The following CAMTA1 variants were observed in gnomAD, a reference collection of about 807,000 sequenced individuals.
CAMTA1 encodes calmodulin-binding transcription activator 1.
CAMTA1 carries 27 observed loss-of-function variants against 170.9 expected under a neutral mutation model. The ratio of observed to expected loss-of-function variants is 0.16; its 90% confidence interval spans 0.12 to 0.22. The LOEUF (loss-of-function observed/expected upper bound fraction) is 0.22, where lower values mean the gene tolerates loss of function less well. Ranked by LOEUF, CAMTA1 falls within the 10% of genes least tolerant of loss-of-function variation. The pLI is 1.00. For synonymous variants in CAMTA1, 833 were observed against 891.5 expected, an observed-to-expected ratio of 0.93 and a Z score of 1.17; for missense variants, 1,619 against 2,217.2, an observed-to-expected ratio of 0.73 and a Z score of 5.42.
intron 3 of CAMTA1, among the ~76,000 whole-genome samples, chr1:6,888,703 T>G (rs1186462762): frequency 6.6e-6 from 1 of 152,236 alleles, no homozygotes; most frequent in African/African-American, 2.4e-5. Flanking sequence ...CAGAAGTACT[T>G]TTGTTCCAGA....
intron 3 of CAMTA1, among the ~76,000 whole-genome samples, chr1:6,828,464 G>C (rs183208324): frequency 2.6e-5 from 4 of 151,682 alleles, no homozygotes; most frequent in African/African-American, 4.8e-5. Flanking sequence ...GCTAATTTTT[G>C]TATTTTTAGT....
Position 7,249,723 on chromosome 1 carries a change from T to G in CAMTA1, c.438+97T>G. 7.1e-7 allele frequency: 1 copy of G among 1,413,550 alleles called. No individual in the cohort carries two copies. Among genetic ancestry groups the G allele is most frequent in the Non-Finnish European group, 9.5e-7 (1 of 1,051,356 alleles). The allele number at this position is 1,413,550 out of a possible 1,614,324, so 87.6% of individuals were successfully genotyped here. A position where few individuals can be genotyped will look rare whatever the true frequency, so the allele number is the denominator to read the frequency against. ...GGAGTAATTTGATGCGAGTCACCTC[T>G]GTCCAAAGAATTTTTGTTTGCCAAG... On this transcript the variant is annotated intron_variant, in intron 5 of 22. Coordinates refer to ENST00000303635, the MANE Select transcript of CAMTA1 (RefSeq NM_015215.4). The surrounding 1 kb of genome is among the most constrained non-coding windows in gnomAD (Gnocchi z 4.4).
intron 3 of CAMTA1, among the ~76,000 whole-genome samples, chr1:6,995,295 C>CTTTTCTTTTTTTTTTTTTTTTTTT (rs1697047615): frequency 3.3e-5 from 2 of 60,620 alleles, no homozygotes; most frequent in Admixed American, 2.5e-4. Flanking sequence ...TTTTTCTTTT[C>CTTTTCTTTTTTTTTTTTTTTTTTT]TTTTTTTTTT....
intron 7 of CAMTA1, among the ~76,000 whole-genome samples, chr1:7,653,389 T>C (rs1004858846): frequency 6.6e-6 from 1 of 152,108 alleles, no homozygotes; most frequent in African/African-American, 2.4e-5. Flanking sequence ...CCGCCTCCCA[T>C]GTAGCTGGGA....
intron 6 of CAMTA1, among the ~76,000 whole-genome samples, chr1:7,600,676 T>A (rs1413040016): frequency 1.3e-5 from 2 of 151,882 alleles, no homozygotes; most frequent in Admixed American, 1.3e-4. Context: ...TAGGGAGTGG[T>A]GATGACTCTT....
intron 4 of CAMTA1, among the ~76,000 whole-genome samples, chr1:7,164,098 G>A (rs992862640): frequency 6.6e-6 from 1 of 152,158 alleles, no homozygotes; most frequent in Non-Finnish European, 1.5e-5. Flanking sequence ...TTGGGGAGGA[G>A]GGTGTATAGA....
intron 5 of CAMTA1, among the ~76,000 whole-genome samples, chr1:7,349,234 G>A (rs1244995548): frequency 2.0e-5 from 3 of 152,070 alleles, no homozygotes; most frequent in Non-Finnish European, 2.9e-5. Context: ...TTTATTTATC[G>A]CCATTCTTTT....
chr1:7,686,579 AG>A (rs1204787149), intron 11 of CAMTA1, among the ~76,000 whole-genome samples: 1 of 151,834 alleles, frequency 6.6e-6, no homozygotes, highest in African/African-American at 2.4e-5. Context: ...CACCAAGAGT[AG>A]GGGGCTGGGC....
intron 3 of CAMTA1, among the ~76,000 whole-genome samples, chr1:6,885,319 A>G (rs1199771971): frequency 1.3e-5 from 2 of 152,230 alleles, no homozygotes; most frequent in Non-Finnish European, 2.9e-5. Context: ...TTTGGCACAC[A>G]CACAATTCTA....
chr1:7,647,962 T>C (rs1576586679), intron 7 of CAMTA1, among the ~76,000 whole-genome samples: 1 of 152,236 alleles, frequency 6.6e-6, no homozygotes, highest in East Asian at 1.9e-4. Flanking sequence ...TGCACACCAG[T>C]AGCCCCAGCT....
In CAMTA1 at chr1:7,709,040, T is replaced by C. The variant is rs2096549094; in HGVS notation, c.2915-23408T>C. Reference sequence around the variant, plus strand: ...ACACCCCATCCTCAGCCACACAGCATGAGCCCTCTGTCACACGCAGCCAGG... The same window carrying C: ...ACACCCCATCCTCAGCCACACAGCACGAGCCCTCTGTCACACGCAGCCAGG... On this transcript the variant is annotated intron_variant, in intron 11 of 22. Coordinates refer to ENST00000303635, the MANE Select transcript of CAMTA1 (RefSeq NM_015215.4). 1.3e-5 allele frequency among the ~76,000 whole-genome samples: 2 copies of C among 152,214 alleles called. 1 individual carries two copies.
chr1:7,745,734 A>G, intron 17 of CAMTA1, 111 bp from the exon 18 acceptor site: 1 of 1,325,848 alleles, frequency 7.5e-7, no homozygotes, highest in Non-Finnish European at 1.1e-6. Context: ...GCATGTTCCT[A>G]ATTGCCCACA....
intron 4 of CAMTA1, among the ~76,000 whole-genome samples, chr1:7,123,169 A>G (rs537148633): frequency 6.6e-6 from 1 of 152,166 alleles, no homozygotes; most frequent in Non-Finnish European, 1.5e-5. Context: ...TTCTTGCCTC[A>G]TGGTTCTGGA....
At chr1:7,502,491 G>A (rs915054815) in intron 6 of CAMTA1, among the ~76,000 whole-genome samples, 10 of 152,206 alleles carry the variant, frequency 6.6e-5, no homozygotes. Context: ...GCTTGGGCAG[G>A]AGCTCAGCCA....
intron 3 of CAMTA1, among the ~76,000 whole-genome samples, chr1:6,833,869 G>A (rs1651639849): frequency 6.6e-6 from 1 of 152,150 alleles, no homozygotes; most frequent in Admixed American, 6.5e-5. Context: ...TGGACTTACA[G>A]CCCCTTGATA....
chr1:6,951,664 G>T (rs1341483259), intron 3 of CAMTA1, among the ~76,000 whole-genome samples: 1 of 152,284 alleles, frequency 6.6e-6, no homozygotes, highest in East Asian at 1.9e-4. Flanking sequence ...GCTCTAGGGG[G>T]ACCATTCTCC....
chr1:7,673,585 G>A lies in CAMTA1; in HGVS notation c.2779+2548G>A, dbSNP rs1246835234. Among the ~76,000 whole-genome samples, 3 of 152,146 alleles carry A rather than the reference G, an allele frequency of 2.0e-5. No homozygotes were observed. Among genetic ancestry groups the A allele is most frequent in the Non-Finnish European group, 4.4e-5 (3 of 68,026 alleles). ...GCCCAGGCCACTCACCCTCCTAGCT[G>A]TTCAGGCTCATTATATGAGCCATAA... On this transcript the variant is annotated intron_variant, in intron 10 of 22. Transcript: ENST00000303635. The surrounding 1 kb of genome is among the most constrained non-coding windows in gnomAD (Gnocchi z 4.6).
At position 7,173,033 on chromosome 1, in the gene CAMTA1, G is replaced by T. The variant is rs1215415697; in HGVS notation, c.303-76458G>T. 6.6e-6 allele frequency among the ~76,000 whole-genome samples: 1 copy of T among 152,224 alleles called. No homozygotes were observed. Among genetic ancestry groups the T allele is most frequent in the African/African-American group, 2.4e-5 (1 of 41,452 alleles). On this transcript the variant is annotated intron_variant, in intron 4 of 22. Transcript: ENST00000303635. This position sits in a 1 kb window ranked among gnomAD's most constrained non-coding sequence, Gnocchi z 5.4. The stretch of plus-strand genomic sequence containing the variant: ...TCCATCCATCCCGTGCTGGAGCGTG[G>T]CTGGGGACAGGCTGTGCGGGAGGCG...
At chr1:7,662,824 C>T (rs918077918) in intron 8 of CAMTA1, among the ~76,000 whole-genome samples, 5 of 152,142 alleles carry the variant, frequency 3.3e-5, no homozygotes, top group Non-Finnish European at 7.4e-5. Context: ...CCCGAGACTG[C>T]ATTTCCATCA....
Sources: gnomAD v4.1 joint callset for allele counts (sites outside exome capture counted in the v4.1 genomes callset) on GRCh38, gnomAD v4.1.1 for gene constraint, Gnocchi (gnomAD v3.1) non-coding constraint, MANE v1.5 for transcripts, NCBI Gene and HGNC (gene_info 2026-07-23, HGNC 2026-07-21) for gene names.